IKZF1: variants seen among roughly 807,000 people sequenced by gnomAD.
IKZF1 encodes IKAROS family zinc finger 1.
IKZF1 carries 10 observed loss-of-function variants against 51.7 expected under a neutral mutation model. That is an observed-to-expected ratio of 0.19 (90% CI 0.12 to 0.33). The LOEUF (loss-of-function observed/expected upper bound fraction) is 0.33. Among genes scored for constraint, IKZF1 ranks in the 10% least tolerant of loss-of-function variants. IKZF1 has a pLI of 1.00. For missense variants in IKZF1, 484 were observed against 707.5 expected, an observed-to-expected ratio of 0.68 and a Z score of 3.58; for synonymous variants, 280 against 282.3, an observed-to-expected ratio of 0.99 and a Z score of 0.08.
intron 7 of IKZF1, among the ~76,000 whole-genome samples, chr7:50,399,700 A>G (rs913732685): frequency 1.3e-5 from 2 of 152,220 alleles, no homozygotes; most frequent in Admixed American, 6.5e-5. Flanking sequence ...TGTCCCCTAG[A>G]CAGACGCATG....
At chr7:50,380,924 T>A (rs1289753460) in intron 4 of IKZF1, among the ~76,000 whole-genome samples, 4 of 152,208 alleles carry the variant, frequency 2.6e-5, no homozygotes, top group Non-Finnish European at 5.9e-5. Flanking sequence ...TTAGTTAGTT[T>A]GTTTCACCAT....
At chr7:50,339,029 T>A (rs1227771811) in intron 3 of IKZF1, among the ~76,000 whole-genome samples, 2 of 152,248 alleles carry the variant, frequency 1.3e-5, no homozygotes, top group Non-Finnish European at 2.9e-5. Flanking sequence ...GGTAAACTTT[T>A]GGTAGCTTGA....
intron 4 of IKZF1, among the ~76,000 whole-genome samples, chr7:50,379,088 G>C (rs921222218): frequency 6.6e-6 from 1 of 152,216 alleles, no homozygotes; most frequent in Admixed American, 6.5e-5. Flanking sequence ...CTGAGATCTC[G>C]TGAACATACA....
intron 4 of IKZF1, among the ~76,000 whole-genome samples, chr7:50,377,831 G>A (rs990750903): frequency 2.0e-5 from 3 of 152,232 alleles, no homozygotes; most frequent in Non-Finnish European, 2.9e-5. Flanking sequence ...TAGCTGAAAC[G>A]TGAAACATAG....
intron 1 of IKZF1, among the ~76,000 whole-genome samples, chr7:50,307,757 T>A (rs929338093): frequency 6.6e-6 from 1 of 152,206 alleles, no homozygotes; most frequent in Non-Finnish European, 1.5e-5. Flanking sequence ...TTGATCTAGG[T>A]CTTAGAAACG....
chr7:50,388,923 T>C (rs1335786090), intron 6 of IKZF1, among the ~76,000 whole-genome samples: 1 of 152,256 alleles, frequency 6.6e-6, no homozygotes, highest in Non-Finnish European at 1.5e-5. Flanking sequence ...TGAGGACTTA[T>C]AATCAATAAT....
intron 3 of IKZF1, chr7:50,369,667 T>C (rs913661260): frequency 2.5e-6 from 1 of 398,098 alleles, no homozygotes; most frequent in Non-Finnish European, 4.4e-6. Context: ...CAACACCTCT[T>C]TTCTTCTTGA....
At chr7:50,317,532 G>A (rs1584426944) in intron 1 of IKZF1, among the ~76,000 whole-genome samples, 1 of 152,088 alleles carries the variant, frequency 6.6e-6, no homozygotes, top group Non-Finnish European at 1.5e-5. Context: ...AGTGTGTCTG[G>A]CTTCCGTGTG....
In IKZF1 at chr7:50,311,455, A is replaced by G. The variant is rs10253366; in HGVS notation, c.-15+6533A>G. 4.9e-3 allele frequency among the ~76,000 whole-genome samples: 741 copies of G among 152,360 alleles called. 3 individuals carry two copies. The highest frequency in any genetic ancestry group is 0.017 in the African/African-American group (716 of 41,584). On this transcript the variant is annotated intron_variant, in intron 1 of 7. Coordinates refer to ENST00000331340, the MANE Select transcript of IKZF1 (RefSeq NM_006060.6). ...TTATAGTACCTAGGAATGTGTCCTC[A>G]GTGGGCCAATCAATCAATCATGACT... is the stretch of plus-strand genomic sequence containing the variant.
rs1203120671 is a variant in IKZF1 at position 50,304,750 on chromosome 7, G to T, written c.-187G>T. On this transcript the variant is annotated 5_prime_UTR_variant, in exon 1 of 8. Coordinates refer to ENST00000331340, the MANE Select transcript of IKZF1 (RefSeq NM_006060.6). ...AGTGACTGCGCGGCCCGCGCCCGGG[G>T]CGGTGACTGCGGCAAGCCCCCTGGG... 1 of 152,014 alleles carries T rather than the reference G, an allele frequency of 6.6e-6. No individual in the cohort carries two copies. Among genetic ancestry groups the T allele is most frequent in the Non-Finnish European group, 1.5e-5 (1 of 68,010 alleles). The allele number at this position is 152,014 out of a possible 1,614,324, so 9.4% of individuals were successfully genotyped here.
intron 3 of IKZF1, among the ~76,000 whole-genome samples, chr7:50,350,972 T>C (rs1271438758): frequency 1.3e-5 from 2 of 152,260 alleles, no homozygotes; most frequent in East Asian, 3.8e-4. Context: ...GTTTAAATAC[T>C]AGCTATGCAT....
intron 3 of IKZF1, among the ~76,000 whole-genome samples, chr7:50,362,333 A>T (rs1805501239): frequency 6.6e-6 from 1 of 152,248 alleles, no homozygotes; most frequent in African/African-American, 2.4e-5. Context: ...AGATAGAGTA[A>T]GTGTCTGCCA....
In IKZF1 at chr7:50,392,536, C is replaced by G. The variant is rs185812475; in HGVS notation, c.850+673C>G. On this transcript the variant is annotated intron_variant, in intron 7 of 7. Transcript: ENST00000331340. ...AGTGGAAAGGCGCTAGGCTTGGGAA[C>G]CAGCTCAGAGTCAATACAGAGCCAC... is the stretch of plus-strand genomic sequence containing the variant. 2.2e-3 allele frequency among the ~76,000 whole-genome samples: 330 copies of G among 152,296 alleles called. 2 individuals are homozygous for G. The highest frequency in any genetic ancestry group is 7.7e-3 in the African/African-American group (320 of 41,550).
chr7:50,338,200 G>C (rs1471805784), intron 3 of IKZF1, among the ~76,000 whole-genome samples: 4 of 152,108 alleles, frequency 2.6e-5, no homozygotes, highest in African/African-American at 9.7e-5. Context: ...ATTAACTATG[G>C]AAAGTTGCTT....
intron 1 of IKZF1, chr7:50,308,901 T>C (rs1388804124): frequency 6.6e-6 from 1 of 152,404 alleles, no homozygotes; most frequent in Non-Finnish European, 1.5e-5. Context: ...AGGCCTCGGT[T>C]GGTTGGTGAG....
At chr7:50,337,588 G>A (rs1392529890) in intron 3 of IKZF1, among the ~76,000 whole-genome samples, 2 of 152,218 alleles carry the variant, frequency 1.3e-5, no homozygotes, top group African/African-American at 4.8e-5. Context: ...CAGTACCTGG[G>A]CATCCCCCAG....
chr7:50,320,704 T>C (rs578059476), intron 2 of IKZF1, among the ~76,000 whole-genome samples: 1 of 152,350 alleles, frequency 6.6e-6, no homozygotes, highest in South Asian at 2.1e-4. Flanking sequence ...TTTTAGAATG[T>C]GGTATTCAGG....
rs1473930163 is a variant in IKZF1 at position 50,387,463 on chromosome 7, G to A, written c.708G>A (p.Leu236=). The A allele has an allele frequency of 6.2e-7, 1 of 1,610,042 alleles. No individual in the cohort carries two copies. The highest frequency in any genetic ancestry group is 1.1e-5 in the South Asian group (1 of 90,364). ...AAAGCATGGGCCTTCCGGGCACACT[G>A]TACCCAGGTAAGCGCTGCTGCTCGG... ...YLESMGLPGT[L]YPVIKEETNH... Residue 236 remains leucine (L), a synonymous_variant, in exon 6 of 8, where the codon CTG becomes CTA. Coordinates refer to ENST00000331340, the MANE Select transcript of IKZF1 (RefSeq NM_006060.6).
chr7:50,368,702 G>T, intron 3 of IKZF1: 2 of 270,050 alleles, frequency 7.4e-6, no homozygotes, highest in Non-Finnish European at 1.4e-5. Context: ...AAATATATTT[G>T]GGTAACATCC....
Sources: gnomAD v4.1 joint callset for allele counts (sites outside exome capture counted in the v4.1 genomes callset) on GRCh38, gnomAD v4.1.1 for gene constraint, MANE v1.5 for transcripts, NCBI Gene and HGNC (gene_info 2026-07-23, HGNC 2026-07-21) for gene names.